CHRM2: variants seen among roughly 807,000 people sequenced by gnomAD.
CHRM2 encodes the protein muscarinic acetylcholine receptor M2.
In CHRM2, 8 loss-of-function variants were observed where a neutral mutation model predicts 25.0. The ratio of observed to expected loss-of-function variants is 0.32; its 90% CI spans 0.19 to 0.58. The LOEUF is 0.58. Ranked by LOEUF, CHRM2 falls within the 20% of genes least tolerant of loss-of-function variation. CHRM2 has a pLI of 0.88. For missense variants in CHRM2, 440 were observed against 567.1 expected, an observed-to-expected ratio of 0.78 and a Z score of 2.28; for synonymous variants, 202 against 205.7, an observed-to-expected ratio of 0.98 and a Z score of 0.15.
intron 2 of CHRM2, among the ~76,000 whole-genome samples, chr7:136,927,580 G>A (rs1054590316): frequency 1.3e-5 from 2 of 152,130 alleles, no homozygotes; most frequent in African/African-American, 4.8e-5. Flanking sequence ...TCTCAAGGAA[G>A]CATTAAGCCC....
rs1406771619 is a variant in CHRM2 at position 136,990,584 on chromosome 7, T to C, written c.-124-1603T>C. ...TTTTTAGCATTATGTAATACTCCAT[T>C]GTCTGGATGTACCACAGTTTATTCA... On this transcript the variant is annotated intron_variant, in intron 2 of 3. Coordinates refer to ENST00000680005, the MANE Select transcript of CHRM2 (RefSeq NM_001006630.2). 2.0e-5 allele frequency among the ~76,000 whole-genome samples: 3 copies of C among 152,294 alleles called. No individual in the cohort carries two copies. The East Asian group carries it at 5.8e-4, about 29-fold the overall frequency.
chr7:136,929,316 G>GC (rs1798926269), intron 2 of CHRM2, among the ~76,000 whole-genome samples: 1 of 147,968 alleles, frequency 6.8e-6, no homozygotes, highest in African/African-American at 2.5e-5. Flanking sequence ...TGTGTCTCTT[G>GC]CCCCCTTAAT....
rs190624082 is a variant in CHRM2 at position 136,896,136 on chromosome 7, A to G, written c.-125+26718A>G. On this transcript the variant is annotated intron_variant, in intron 2 of 3. Coordinates refer to ENST00000680005, the MANE Select transcript of CHRM2 (RefSeq NM_001006630.2). ...TTTTTTCTAAAAGAAAATAATAACA[A>G]TAGTAGACTTGTTCAGAGAGAGCAT... Among the ~76,000 whole-genome samples the G allele has an allele frequency of 1.3e-3, 193 of 152,326 alleles. 2 individuals carry two copies. The highest frequency in any genetic ancestry group is 4.4e-3 in the African/African-American group (184 of 41,576).
At position 136,891,720 on chromosome 7, in the gene CHRM2, G is replaced by A. The variant is rs938656244; in HGVS notation, c.-125+22302G>A. On this transcript the variant is annotated intron_variant, in intron 2 of 3. Coordinates refer to ENST00000680005, the MANE Select transcript of CHRM2 (RefSeq NM_001006630.2). ...TCTTGGACATAACATGCCCTTTTCT[G>A]CCTTAAGGCTTCTGCTTAGAGTATA... Among the ~76,000 whole-genome samples the A allele has an allele frequency of 1.2e-4, 18 of 152,024 alleles. 1 individual carries two copies. The highest frequency in any genetic ancestry group is 9.8e-4 in the Admixed American group (15 of 15,252).
chr7:136,944,320 ATAAG>A (rs1427034065), intron 2 of CHRM2, among the ~76,000 whole-genome samples: 3 of 150,096 alleles, frequency 2.0e-5, no homozygotes, highest in Non-Finnish European at 4.4e-5. Context: ...GCTTCCACTT[ATAAG>A]TGAGAACATA....
At chr7:136,900,320 A>T (rs1462824229) in intron 2 of CHRM2, among the ~76,000 whole-genome samples, 6 of 151,916 alleles carry the variant, frequency 3.9e-5, no homozygotes, top group Non-Finnish European at 1.5e-5. Context: ...CAAGTTAACT[A>T]TTTTTTTTAA....
At chr7:136,931,288 G>A (rs1166238141) in intron 2 of CHRM2, among the ~76,000 whole-genome samples, 1 of 152,188 alleles carries the variant, frequency 6.6e-6, no homozygotes, top group Non-Finnish European at 1.5e-5. Flanking sequence ...AGAGATTTGT[G>A]TTCCAGCAAA....
chr7:136,943,742 T>C (rs1180538784), intron 2 of CHRM2, among the ~76,000 whole-genome samples: 1 of 61,948 alleles, frequency 1.6e-5, no homozygotes, highest in Non-Finnish European at 3.5e-5. Flanking sequence ...TCTCAGAAAT[T>C]CAACAGGAGA....
Position 137,015,900 on chromosome 7 carries a change from G to A in CHRM2, c.1035G>A (p.Glu345=). The A allele has an allele frequency of 6.2e-7, 1 of 1,613,148 alleles. No individual in the cohort carries two copies. The part of the protein sequence containing the change: ...DSCTPTNTTV[E]VVGSSGQNGD... ...GTACCCCAACTAATACCACCGTGGA[G>A]GTAGTGGGGTCTTCAGGTCAGAATG... Residue 345 remains glutamate, a synonymous_variant, in exon 4 of 4, where the codon GAG becomes GAA. Coordinates refer to ENST00000680005, the MANE Select transcript of CHRM2 (RefSeq NM_001006630.2). The surrounding 1 kb of genome is among the most constrained non-coding windows in gnomAD (Gnocchi z 5.1).
At chr7:136,966,674 C>A (rs1801434045) in intron 2 of CHRM2, among the ~76,000 whole-genome samples, 1 of 150,570 alleles carries the variant, frequency 6.6e-6, no homozygotes, top group African/African-American at 2.4e-5. Context: ...GTTTTTAATA[C>A]AAACCGTAAT....
chr7:136,992,574 C>T (rs183063672), intron 3 of CHRM2, among the ~76,000 whole-genome samples: 680 of 152,226 alleles, frequency 4.5e-3, no homozygotes, highest in African/African-American at 0.016. Context: ...TGACTTAATA[C>T]ATCAAAATTT....
chr7:136,890,282 C>T (rs1210735884), intron 2 of CHRM2, among the ~76,000 whole-genome samples: 3 of 152,138 alleles, frequency 2.0e-5, no homozygotes, highest in African/African-American at 7.2e-5. Flanking sequence ...CGAACTATAA[C>T]GTCACCATTA....
intron 2 of CHRM2, among the ~76,000 whole-genome samples, chr7:136,914,930 A>G (rs994820021): frequency 3.9e-5 from 6 of 151,936 alleles, no homozygotes; most frequent in Admixed American, 2.6e-4. Context: ...GTTCTTTTAG[A>G]TTATTGCTGA....
intron 2 of CHRM2, among the ~76,000 whole-genome samples, chr7:136,951,380 T>G (rs906426438): frequency 6.6e-6 from 1 of 152,280 alleles, no homozygotes; most frequent in African/African-American, 2.4e-5. Context: ...TTGTGTAAGA[T>G]ATATAATAGG....
chr7:136,930,471 T>G (rs1423471033), intron 2 of CHRM2, among the ~76,000 whole-genome samples: 1 of 152,224 alleles, frequency 6.6e-6, no homozygotes, highest in African/African-American at 2.4e-5. Context: ...TCAGCTTATT[T>G]GTTTGCACAA....
chr7:136,877,256 A>G (rs950085478), intron 2 of CHRM2, among the ~76,000 whole-genome samples: 4 of 152,192 alleles, frequency 2.6e-5, no homozygotes, highest in African/African-American at 9.6e-5. Flanking sequence ...ATAACGGTTC[A>G]GGAAGACAGC....
intron 2 of CHRM2, among the ~76,000 whole-genome samples, chr7:136,886,038 C>G (rs1416222670): frequency 6.6e-6 from 1 of 152,160 alleles, no homozygotes; most frequent in African/African-American, 2.4e-5. Flanking sequence ...AGGTCTATAC[C>G]TATCCTGTTG....
chr7:136,908,128 C>T (rs1213933854), intron 2 of CHRM2, among the ~76,000 whole-genome samples: 1 of 151,852 alleles, frequency 6.6e-6, no homozygotes, highest in Non-Finnish European at 1.5e-5. Flanking sequence ...ACTTAGTATG[C>T]CTGAAATTCT....
chr7:136,986,393 C>T (rs1051418017), intron 2 of CHRM2, among the ~76,000 whole-genome samples: 2 of 151,778 alleles, frequency 1.3e-5, no homozygotes, highest in African/African-American at 2.4e-5. Flanking sequence ...GCTTATAGGC[C>T]CAATCTCATT....
Sources: gnomAD v4.1 joint callset for allele counts (sites outside exome capture counted in the v4.1 genomes callset) on GRCh38, gnomAD v4.1.1 for gene constraint, Gnocchi (gnomAD v3.1) non-coding constraint, MANE v1.5 for transcripts, NCBI Gene and HGNC (gene_info 2026-07-23, HGNC 2026-07-21) for gene names.